KCNQ1: variants seen among roughly 807,000 people sequenced by gnomAD.
KCNQ1 encodes potassium voltage-gated channel subfamily KQT member 1.
A neutral mutation model predicts 72.4 loss-of-function variants in KCNQ1; 49 were observed. The ratio of observed to expected loss-of-function variants is 0.68; its 90% CI spans 0.54 to 0.86. The LOEUF (loss-of-function observed/expected upper bound fraction) is 0.86, where lower values mean the gene tolerates loss of function less well. Ranked by LOEUF, KCNQ1 falls within the 40% of genes least tolerant of loss-of-function variation. The pLI is 0.00. For synonymous variants in KCNQ1, 450 were observed against 412.6 expected (o/e 1.09, Z -1.10); for missense variants, 790 against 945.1 (o/e 0.84, Z 2.15).
At chr11:2,637,946 C>G (rs1455888594) in intron 10 of KCNQ1, 1 of 151,974 alleles carries the variant, frequency 6.6e-6, no homozygotes, top group Non-Finnish European at 1.5e-5. Context: ...ATGACCTTGT[C>G]TCTTTTGATC....
intron 10 of KCNQ1, among the ~76,000 whole-genome samples, chr11:2,607,793 T>G (rs1848905590): frequency 6.6e-6 from 1 of 152,250 alleles, no homozygotes; most frequent in African/African-American, 2.4e-5. Context: ...AACCTTGCAT[T>G]CCTGAAATAA....
rs1294025385 is a variant in KCNQ1 at position 2,752,890 on chromosome 11, C to T, written c.1515-15954C>T. On this transcript the variant is annotated intron_variant, in intron 11 of 15. Coordinates refer to ENST00000155840, the MANE Select transcript of KCNQ1 (RefSeq NM_000218.3). The surrounding 1 kb of genome is among the most constrained non-coding windows in gnomAD (Gnocchi z 5.2). Reference sequence around the variant, plus strand: ...CCTTTGCTGAATCTGTTTCAGCCACCTCTCCCGAGGATCCTCGCACAATTT... The same window carrying T: ...CCTTTGCTGAATCTGTTTCAGCCACTTCTCCCGAGGATCCTCGCACAATTT... Among the ~76,000 whole-genome samples, 1 of 152,164 alleles carries T rather than the reference C, an allele frequency of 6.6e-6. No individual in the cohort carries two copies. Among genetic ancestry groups the T allele is most frequent in the Non-Finnish European group, 1.5e-5 (1 of 68,036 alleles).
chr11:2,580,639 G>A (rs866753675), intron 6 of KCNQ1, among the ~76,000 whole-genome samples: 2 of 152,128 alleles, frequency 1.3e-5, no homozygotes, highest in African/African-American at 4.8e-5. Context: ...TGCCGTCCCT[G>A]AGCCCAGCCC....
Position 2,659,917 on chromosome 11 carries a change from T to C in KCNQ1, c.1394-2044T>C. On this transcript the variant is annotated intron_variant, in intron 10 of 15. Coordinates refer to ENST00000155840, the MANE Select transcript of KCNQ1 (RefSeq NM_000218.3). This position sits in a 1 kb window ranked among gnomAD's most constrained non-coding sequence, Gnocchi z 4.3. ...TCACTTTATTGTCAAGTTGTAAGCA[T>C]TCTTTATATATTCTGAGTGCAAGTC... 1 of 398,476 alleles carries C rather than the reference T, an allele frequency of 2.5e-6. No individual in the cohort carries two copies. The highest frequency in any genetic ancestry group is 4.4e-6 in the Non-Finnish European group (1 of 225,976). 24.7% of individuals were successfully genotyped at this position (398,476 alleles called of 1,614,324 possible).
In KCNQ1 at chr11:2,768,232, A is replaced by G. The variant is rs939605467; in HGVS notation, c.1515-612A>G. On this transcript the variant is annotated intron_variant, in intron 11 of 15. Transcript: ENST00000155840. This position sits in a 1 kb window ranked among gnomAD's most constrained non-coding sequence, Gnocchi z 6.7. ...CTTCCAGTCTTTTTTCTATGCACAG[A>G]CACATCATCCCCTTTGTTTCCTTTT... Among the ~76,000 whole-genome samples, 3 of 152,230 alleles carry G rather than the reference A, an allele frequency of 2.0e-5. No homozygotes were observed. Among genetic ancestry groups the G allele is most frequent in the African/African-American group, 7.2e-5 (3 of 41,458 alleles).
At position 2,507,503 on chromosome 11, in the gene KCNQ1, C is replaced by T. The variant is rs3819510; in HGVS notation, c.387-20425C>T. On this transcript the variant is annotated intron_variant, in intron 1 of 15. Coordinates refer to ENST00000155840, the MANE Select transcript of KCNQ1 (RefSeq NM_000218.3). The surrounding 1 kb of genome is among the most constrained non-coding windows in gnomAD (Gnocchi z 5.4). ...CAGGTAGATAAGGTGGCGGGTGCAG[C>T]GGGAGGAAGAGAAAAGGATGCTGCT... Among the ~76,000 whole-genome samples, 4 of 151,980 alleles carry T rather than the reference C, an allele frequency of 2.6e-5. No individual in the cohort carries two copies. Among genetic ancestry groups the T allele is most frequent in the African/African-American group, 9.7e-5 (4 of 41,320 alleles).
chr11:2,474,633 G>C (rs1021894008), intron 1 of KCNQ1, among the ~76,000 whole-genome samples: 3 of 110,078 alleles, frequency 2.7e-5, no homozygotes, highest in African/African-American at 8.5e-5. Flanking sequence ...TCACCGCCCA[G>C]ACAAAAGGCC....
intron 11 of KCNQ1, among the ~76,000 whole-genome samples, chr11:2,751,622 C>A (rs1846227294): frequency 6.6e-6 from 1 of 152,268 alleles, no homozygotes; most frequent in Non-Finnish European, 1.5e-5. Flanking sequence ...CGGCGACCCT[C>A]GTCTGACAGG....
At chr11:2,470,612 C>CAAGGGAGGGG (rs1846432902) in intron 1 of KCNQ1, among the ~76,000 whole-genome samples, 2 of 151,306 alleles carry the variant, frequency 1.3e-5, no homozygotes, top group Non-Finnish European at 2.9e-5. Flanking sequence ...TGTGATGATA[C>CAAGGGAGGGG]GTATCCAACC....
chr11:2,570,828 A>C (rs1848323391), intron 3 of KCNQ1, 74 bp downstream of exon 3: 1 of 1,590,948 alleles, frequency 6.3e-7, no homozygotes, highest in South Asian at 1.1e-5. Flanking sequence ...CATGACCCCT[A>C]CCAGATGGAG....
Position 2,527,943 on chromosome 11 carries a change from G to C in KCNQ1, c.402G>C (p.Leu134=), listed in dbSNP as rs1847538350. The change falls in exon 2 of 16, where the codon CTG becomes CTC. Residue 134 remains leucine, a synonymous_variant. Coordinates refer to ENST00000155840, the MANE Select transcript of KCNQ1 (RefSeq NM_000218.3). ...VYHFAVFLIV[L]VCLIFSVLST... is the part of the protein sequence containing the mutation. The stretch of plus-strand genomic sequence containing the variant: ...TGTCTTGCAGCTTCCTCATCGTCCT[G>C]GTCTGCCTCATCTTCAGCGTGCTGT... The C allele has an allele frequency of 1.2e-6, 2 of 1,614,100 alleles. No individual in the cohort carries two copies. The highest frequency in any genetic ancestry group is 4.5e-5 in the East Asian group (2 of 44,870).
Position 2,588,852 on chromosome 11 carries a change from C to T in KCNQ1, c.1391C>T (p.Ser464Phe). 1.2e-6 allele frequency: 2 copies of T among 1,611,688 alleles called. No homozygotes were observed. Among genetic ancestry groups the T allele is most frequent in the Non-Finnish European group, 1.7e-6 (2 of 1,179,810 alleles). Residue 464 changes from serine to phenylalanine, a missense_variant and splice_region_variant, in exon 10 of 16, where the codon TCT becomes TTT. Physicochemically the swap from Ser to Phe is radical, Grantham distance 155. Coordinates refer to ENST00000155840, the MANE Select transcript of KCNQ1 (RefSeq NM_000218.3). This position sits in a 1 kb window ranked among gnomAD's most constrained non-coding sequence, Gnocchi z 5.6. ...TTCTCTGTCGACGGCTATGACAGTTCTGGTGAGAACCCCTCAGGCAGTTGG... is the reference window on the plus strand; with the variant it reads ...TTCTCTGTCGACGGCTATGACAGTTTTGGTGAGAACCCCTCAGGCAGTTGG... ...DHFSVDGYDSSVRKSPTLLEV... is the reference protein window; with the variant it reads ...DHFSVDGYDSFVRKSPTLLEV...
At chr11:2,739,282 C>T (rs1398715430) in intron 11 of KCNQ1, among the ~76,000 whole-genome samples, 1 of 152,200 alleles carries the variant, frequency 6.6e-6, no homozygotes, top group African/African-American at 2.4e-5. Flanking sequence ...TACTGAGAGC[C>T]CATCACACAG....
intron 9 of KCNQ1, 105 bp downstream of exon 9, chr11:2,587,797 TACAGCCTGTGTC>T (rs983601767): frequency 1.3e-5 from 19 of 1,503,414 alleles, no homozygotes; most frequent in Non-Finnish European, 1.7e-5. Flanking sequence ...TTTGGCTTGG[TACAGCCTGTGTC>T]AGGGAGTCAG....
intron 10 of KCNQ1, chr11:2,640,374 C>T (rs955240363): frequency 5.0e-6 from 2 of 398,548 alleles, no homozygotes; most frequent in South Asian, 1.3e-4. Flanking sequence ...CAATCTTTAA[C>T]TCCCAGGCTC....
At chr11:2,778,868 C>CGGGCAGGCG (rs1027146680) in intron 15 of KCNQ1, among the ~76,000 whole-genome samples, 99 of 152,208 alleles carry the variant, frequency 6.5e-4, no homozygotes, top group Non-Finnish European at 1.1e-3. Context: ...CGGCTGCAGC[C>CGGGCAGGCG]GGGCAGGCGG....
chr11:2,616,061 A>G, intron 10 of KCNQ1: 1 of 398,028 alleles, frequency 2.5e-6, no homozygotes, highest in Non-Finnish European at 4.4e-6. Flanking sequence ...TCATAATTTC[A>G]ATTTCTGTTT....
At position 2,713,335 on chromosome 11, in the gene KCNQ1, A is replaced by G. The variant is rs937821207; in HGVS notation, c.1514+51254A>G. 1.3e-5 allele frequency among the ~76,000 whole-genome samples: 2 copies of G among 152,276 alleles called. No individual in the cohort carries two copies. The highest frequency in any genetic ancestry group is 2.9e-5 in the Non-Finnish European group (2 of 68,020). On this transcript the variant is annotated intron_variant, in intron 11 of 15. Coordinates refer to ENST00000155840, the MANE Select transcript of KCNQ1 (RefSeq NM_000218.3). The surrounding 1 kb of genome is among the most constrained non-coding windows in gnomAD (Gnocchi z 5.6). ...CTGGGCTCTTCCTCTGCTGCTCGCC[A>G]TAAAAACTCTCCAGTCATCTTTTCC...
rs1417191758 is a variant in KCNQ1 at position 2,549,559 on chromosome 11, T to G, written c.478-21069T>G. Among the ~76,000 whole-genome samples the G allele has an allele frequency of 6.7e-6, 1 of 150,100 alleles. No individual in the cohort carries two copies. Among genetic ancestry groups the G allele is most frequent in the East Asian group, 2.0e-4 (1 of 5,116 alleles). ...GTGTCCCGGCGTGGGCAGGTCCTGT[T>G]GTGGAGCCTCGTGACCTGCTCATAG... On this transcript the variant is annotated intron_variant, in intron 2 of 15. Coordinates refer to ENST00000155840, the MANE Select transcript of KCNQ1 (RefSeq NM_000218.3). This position sits in a 1 kb window ranked among gnomAD's most constrained non-coding sequence, Gnocchi z 6.2.
Sources: gnomAD v4.1 joint callset for allele counts (sites outside exome capture counted in the v4.1 genomes callset) on GRCh38, gnomAD v4.1.1 for gene constraint, Gnocchi (gnomAD v3.1) non-coding constraint, MANE v1.5 for transcripts, NCBI Gene and HGNC (gene_info 2026-07-23, HGNC 2026-07-21) for gene names.